FKBP1C: variants seen among roughly 807,000 people sequenced by gnomAD.
The protein encoded by FKBP1C is peptidyl-prolyl cis-trans isomerase FKBP1C.
In FKBP1C, 7 loss-of-function variants were observed where a neutral mutation model predicts 7.1. The observed-to-expected ratio is 0.99, with a 90% CI of 0.56 to 1.86. The LOEUF is 1.86. Among genes scored for constraint, FKBP1C ranks in the 40% most tolerant of loss-of-function variants. FKBP1C has a pLI of 0.00. For missense variants in FKBP1C, 159 were observed against 139.9 expected (o/e 1.14, Z -0.69); for synonymous variants, 56 against 51.2 (o/e 1.09, Z -0.40).
At chr6:63,213,024 A>AAAAT (rs36177729), downstream of FKBP1C, 66,456 of 154,198 alleles carry the variant, frequency 0.43, 14,503 homozygotes, top group Middle Eastern at 0.48. Context: ...CTTTTCTCAA[A>AAAAT]AAATAAATAA....
At chr6:63,211,639 C>G (rs1385114961) in exon 1 of FKBP1C, 1 of 1,613,642 alleles carries the variant, frequency 6.2e-7, no homozygotes, top group South Asian at 1.1e-5. Flanking sequence ...ATGCACTACA[C>G]CGGGATGCTT....
exon 1 of FKBP1C, chr6:63,212,093 G>A (rs988000896): frequency 3.9e-5 from 25 of 637,170 alleles, no homozygotes; most frequent in African/African-American, 2.9e-4. Context: ...TGGTATGTGC[G>A]TTTACCTAAA....
chr6:63,212,019 A>G (rs9359357), exon 1 of FKBP1C: 682,807 of 990,810 alleles, frequency 0.69, 237,053 homozygotes, highest in South Asian at 0.79. Flanking sequence ...CATCTGCCCC[A>G]ACTGAATGTG....
exon 1 of FKBP1C, chr6:63,212,046 T>C (rs1334878703): frequency 9.9e-6 from 8 of 809,788 alleles, no homozygotes; most frequent in Non-Finnish European, 1.6e-5. Context: ...CACTCAGCTT[T>C]GCTTCCGACA....
chr6:63,211,671 T>A (rs1027837270), exon 1 of FKBP1C: 1 of 1,613,860 alleles, frequency 6.2e-7, no homozygotes, highest in Non-Finnish European at 8.5e-7. Context: ...GAAATTTGAT[T>A]CCTCCCGGGA....
exon 1 of FKBP1C, chr6:63,211,827 A>T (rs891914097): frequency 6.2e-6 from 10 of 1,613,498 alleles, no homozygotes; most frequent in Non-Finnish European, 8.5e-6. Flanking sequence ...GCACCCAGGC[A>T]TCATCCCACC....
chr6:63,212,642 C>G (rs1304337899), exon 1 of FKBP1C: 1 of 161,048 alleles, frequency 6.2e-6, no homozygotes, highest in African/African-American at 2.5e-5. Context: ...AACGGACTTT[C>G]AGGAATTTTG....
chr6:63,212,279 A>C, exon 1 of FKBP1C: 1 of 261,520 alleles, frequency 3.8e-6, no homozygotes, highest in Non-Finnish European at 7.8e-6. Flanking sequence ...AGAATATTTT[A>C]TTTTAATTTT....
exon 1 of FKBP1C, chr6:63,211,705 T>C: frequency 6.2e-7 from 1 of 1,614,038 alleles, no homozygotes; most frequent in Non-Finnish European, 8.5e-7. Context: ...TTTAAGTTTA[T>C]GCTAGGCAAG....
At chr6:63,211,549 C>T (rs772393816) in exon 1 of FKBP1C, 27 of 1,231,208 alleles carry the variant, frequency 2.2e-5, no homozygotes, top group Non-Finnish European at 2.9e-5. Flanking sequence ...TCGGCGTCGG[C>T]CGCCGCCATG....
chr6:63,212,248 A>T, exon 1 of FKBP1C: 1 of 360,038 alleles, frequency 2.8e-6, no homozygotes, highest in African/African-American at 2.1e-5. Context: ...TAGGATAGGA[A>T]TTGGTGTTGA....
At chr6:63,212,635 G>A (rs530535243) in exon 1 of FKBP1C, 36 of 162,438 alleles carry the variant, frequency 2.2e-4, no homozygotes, top group African/African-American at 8.7e-4. Context: ...TTTTTCTAAC[G>A]GACTTTCAGG....
chr6:63,211,856 C>G (rs569595066), exon 1 of FKBP1C: 2 of 1,613,114 alleles, frequency 1.2e-6, no homozygotes, highest in Non-Finnish European at 1.7e-6. Flanking sequence ...CTCTCGTCTT[C>G]GATGTGGAGC....
exon 1 of FKBP1C, chr6:63,211,665 T>A: frequency 6.2e-7 from 1 of 1,614,008 alleles, no homozygotes; most frequent in Non-Finnish European, 8.5e-7. Context: ...TGGAAAGAAA[T>A]TTGATTCCTC....
exon 1 of FKBP1C, chr6:63,212,092 C>T (rs1200772144): frequency 3.3e-5 from 21 of 638,188 alleles, no homozygotes; most frequent in Admixed American, 2.3e-4. Context: ...CTGGTATGTG[C>T]GTTTACCTAA....
exon 1 of FKBP1C, chr6:63,211,606 C>A: frequency 6.3e-7 from 1 of 1,588,270 alleles, no homozygotes; most frequent in Non-Finnish European, 8.6e-7. Flanking sequence ...CGCACCTTCC[C>A]GAAGCGCAGC....
exon 1 of FKBP1C, chr6:63,211,718 G>A: frequency 6.2e-7 from 1 of 1,614,034 alleles, no homozygotes; most frequent in South Asian, 1.1e-5. Flanking sequence ...TAGGCAAGCA[G>A]GAGGTGATCC....
chr6:63,211,736 G>A, the FKBP1C span: 124 of 1,613,908 alleles, frequency 7.7e-5, no homozygotes, highest in Non-Finnish European at 1.0e-4. Context: ...TCCGAGGCTG[G>A]GAAGAAGGGG....
exon 1 of FKBP1C, chr6:63,211,712 C>T (rs762862609): frequency 6.2e-7 from 1 of 1,613,958 alleles, no homozygotes; most frequent in South Asian, 1.1e-5. Flanking sequence ...TTATGCTAGG[C>T]AAGCAGGAGG....
Sources: allele counts gnomAD v4.1 joint callset, GRCh38; gene constraint gnomAD v4.1.1; transcripts MANE v1.5; gene names NCBI Gene and HGNC (gene_info 2026-07-23, HGNC 2026-07-21).